PCSK2: variants seen among roughly 807,000 people sequenced by gnomAD.
PCSK2 encodes neuroendocrine convertase 2.
Under a neutral mutation model 69.7 loss-of-function variants are expected in PCSK2, and 14 were observed. That is an observed-to-expected ratio of 0.20 (90% CI 0.13 to 0.31). The LOEUF is 0.31. Ranked by LOEUF, PCSK2 falls within the 10% of genes least tolerant of loss-of-function variation. The probability of loss-of-function intolerance (pLI) is 1.00; values close to 1 mark genes in which losing one functional copy is unlikely to be tolerated. For missense variants in PCSK2, 544 were observed against 842.5 expected, an observed-to-expected ratio of 0.65 and a Z score of 4.39; for synonymous variants, 307 against 320.7, an observed-to-expected ratio of 0.96 and a Z score of 0.46.
chr20:17,396,016 G>C (rs1416949417), intron 5 of PCSK2, among the ~76,000 whole-genome samples: 10 of 152,148 alleles, frequency 6.6e-5, no homozygotes, highest in Non-Finnish European at 1.3e-4. Flanking sequence ...CCATTCAAAG[G>C]CAAGCAGAAC....
chr20:17,402,917 A>G (rs1316324919), intron 5 of PCSK2, among the ~76,000 whole-genome samples: 1 of 150,660 alleles, frequency 6.6e-6, no homozygotes. Context: ...AGATCACGCC[A>G]CTGCACTCCA....
Position 17,468,056 on chromosome 20 carries a change from AGGTAAGCATCCTCCCACGGGCC to A in PCSK2, c.1430+2504_1430+2525del, listed in dbSNP as rs1218922781. On this transcript the variant is annotated intron_variant, in intron 11 of 11. Transcript: ENST00000262545. Reference sequence around the variant, plus strand: ...CTGCCATAGATGGGCTGCCTACCATAGGTAAGCATCCTCCCACGGGCCAGTGTCCTCCCGTAGATGGGCAGCC... The same window carrying A: ...CTGCCATAGATGGGCTGCCTACCATAAGTGTCCTCCCGTAGATGGGCAGCC... Among the ~76,000 whole-genome samples, 11 of 121,598 alleles carry A rather than the reference AGGTAAGCATCCTCCCACGGGCC, an allele frequency of 9.0e-5. No individual in the cohort carries two copies. The Admixed American group carries it at 9.7e-4, about 11-fold the overall frequency. 79.8% of individuals were successfully genotyped at this position (121,598 alleles called of 152,430 possible).
intron 6 of PCSK2, among the ~76,000 whole-genome samples, chr20:17,412,424 G>A (rs2031896191): frequency 6.6e-6 from 1 of 152,010 alleles, no homozygotes; most frequent in Admixed American, 6.6e-5. Flanking sequence ...TGGAAGAAAG[G>A]GTAACAGTGA....
chr20:17,384,650 T>C (rs374049791), intron 5 of PCSK2, among the ~76,000 whole-genome samples: 2 of 150,688 alleles, frequency 1.3e-5, no homozygotes, highest in African/African-American at 4.9e-5. Context: ...ATATTTTTCA[T>C]AGGCTGAACA....
intron 2 of PCSK2, among the ~76,000 whole-genome samples, chr20:17,333,313 G>A (rs1990250288): frequency 6.6e-6 from 1 of 152,160 alleles, no homozygotes; most frequent in Admixed American, 6.5e-5. Context: ...CCCAATTTTT[G>A]TATTATTTCC....
At chr20:17,377,190 C>T (rs575625411) in intron 5 of PCSK2, among the ~76,000 whole-genome samples, 1 of 152,292 alleles carries the variant, frequency 6.6e-6, no homozygotes, top group Admixed American at 6.5e-5. Context: ...CAATTAGGTT[C>T]CTAGATAGGA....
intron 5 of PCSK2, among the ~76,000 whole-genome samples, chr20:17,369,922 A>C (rs369078536): frequency 1.3e-5 from 2 of 152,222 alleles, no homozygotes; most frequent in Non-Finnish European, 2.9e-5. Context: ...TGACCACTCC[A>C]CTGACTTTCC....
intron 7 of PCSK2, among the ~76,000 whole-genome samples, chr20:17,434,758 C>T (rs745943812): frequency 6.6e-6 from 1 of 152,148 alleles, no homozygotes; most frequent in Non-Finnish European, 1.5e-5. Context: ...GTGGGCCATT[C>T]AGTCCTGGTC....
chr20:17,285,817 T>G (rs1460585429), intron 2 of PCSK2, among the ~76,000 whole-genome samples: 1 of 152,170 alleles, frequency 6.6e-6, no homozygotes, highest in Admixed American at 6.5e-5. Context: ...CACACTCAAC[T>G]TCATCCAGGC....
intron 2 of PCSK2, among the ~76,000 whole-genome samples, chr20:17,299,559 G>C (rs1188797435): frequency 6.6e-6 from 1 of 151,590 alleles, no homozygotes; most frequent in Non-Finnish European, 1.5e-5. Context: ...TGGGACTTTT[G>C]GTTAGAATTG....
At chr20:17,365,482 C>A (rs1568619928) in intron 4 of PCSK2, among the ~76,000 whole-genome samples, 1 of 152,138 alleles carries the variant, frequency 6.6e-6, no homozygotes, top group Non-Finnish European at 1.5e-5. Flanking sequence ...CCTTCACATA[C>A]AAATACACTT....
chr20:17,368,029 G>C (rs151181070), intron 4 of PCSK2, among the ~76,000 whole-genome samples: 3 of 151,996 alleles, frequency 2.0e-5, no homozygotes, highest in African/African-American at 7.3e-5. Flanking sequence ...CACACGTACC[G>C]TAGATTAGTG....
Position 17,465,540 on chromosome 20 carries a change from G to T in PCSK2, c.1417G>T (p.Val473Leu). 1 of 1,590,112 alleles carries T rather than the reference G, an allele frequency of 6.3e-7. No homozygotes were observed. The highest frequency in any genetic ancestry group is 1.1e-5 in the South Asian group (1 of 87,210). The part of the protein sequence containing the change: ...PERFHCVGGS[V>L]QDPEKIPSTG... Reference sequence around the variant, plus strand: ...GAGATTCCACTGTGTGGGAGGCTCCGTGCAGGACCCTGAGTAAGTGGGGGT... The same window carrying T: ...GAGATTCCACTGTGTGGGAGGCTCCTTGCAGGACCCTGAGTAAGTGGGGGT... Residue 473 changes from valine to leucine, a missense_variant, in exon 11 of 12, where the codon GTG (valine) becomes TTG (leucine). Coordinates refer to ENST00000262545, the MANE Select transcript of PCSK2 (RefSeq NM_002594.5).
intron 10 of PCSK2, among the ~76,000 whole-genome samples, chr20:17,458,495 A>G (rs751845858): frequency 6.6e-6 from 1 of 152,208 alleles, no homozygotes; most frequent in Non-Finnish European, 1.5e-5. Flanking sequence ...CTCTAGCTTT[A>G]GGCAAAGCGG....
intron 5 of PCSK2, among the ~76,000 whole-genome samples, chr20:17,377,825 A>G (rs1036491660): frequency 1.3e-5 from 2 of 152,222 alleles, no homozygotes; most frequent in African/African-American, 4.8e-5. Context: ...TTTTACAGAA[A>G]CATACTTTGC....
intron 2 of PCSK2, among the ~76,000 whole-genome samples, chr20:17,302,737 T>A (rs1451745611): frequency 6.6e-6 from 1 of 152,156 alleles, no homozygotes; most frequent in East Asian, 1.9e-4. Context: ...TTGACCCCAG[T>A]CATCAGAAAA....
At position 17,453,723 on chromosome 20, in the gene PCSK2, T is replaced by G. The variant is rs376777205; in HGVS notation, c.886-19T>G. On this transcript the variant is annotated intron_variant, in intron 8 of 11. Coordinates refer to ENST00000262545, the MANE Select transcript of PCSK2 (RefSeq NM_002594.5). The surrounding 1 kb of genome is among the most constrained non-coding windows in gnomAD (Gnocchi z 4.0). ...GCCCAGGCTGTGGGTAGCGGCAGCG[T>G]CTCCCCTGCTCTCCCCAGGGCCGCG... 1 of 1,610,666 alleles carries G rather than the reference T, an allele frequency of 6.2e-7. No individual in the cohort carries two copies. The highest frequency in any genetic ancestry group is 1.1e-5 in the South Asian group (1 of 91,026).
chr20:17,441,367 AG>A (rs1304860664), intron 8 of PCSK2, among the ~76,000 whole-genome samples: 3 of 152,198 alleles, frequency 2.0e-5, no homozygotes, highest in Admixed American at 1.3e-4. Context: ...AGGACATCAA[AG>A]GGTAGTTGTC....
chr20:17,318,684 A>C (rs1355692666), intron 2 of PCSK2, among the ~76,000 whole-genome samples: 1 of 152,220 alleles, frequency 6.6e-6, no homozygotes, highest in Non-Finnish European at 1.5e-5. Flanking sequence ...ATTCCACCCA[A>C]CAATCACCAT....
Sources: allele counts gnomAD v4.1 joint callset (sites outside exome capture counted in the v4.1 genomes callset), GRCh38; gene constraint gnomAD v4.1.1; non-coding constraint Gnocchi (gnomAD v3.1); transcripts MANE v1.5; gene names NCBI Gene and HGNC (gene_info 2026-07-23, HGNC 2026-07-21).